Variants in CCNE2 observed in about 807,000 individuals in gnomAD.
CCNE2 encodes G1/S-specific cyclin-E2.
A neutral mutation model predicts 56.8 loss-of-function variants in CCNE2; 18 were observed. The observed-to-expected ratio is 0.32, with a 90% CI of 0.22 to 0.47. The LOEUF (loss-of-function observed/expected upper bound fraction) is 0.47. Ranked by LOEUF, CCNE2 falls within the 20% of genes least tolerant of loss-of-function variation. The probability of loss-of-function intolerance (pLI) is 1.00; values close to 1 mark genes in which losing one functional copy is unlikely to be tolerated. For missense variants in CCNE2, 371 were observed against 467.1 expected (o/e 0.79, Z 1.90); for synonymous variants, 139 against 149.2 (o/e 0.93, Z 0.50).
rs1457708437 is a variant in CCNE2 at position 94,887,933 on chromosome 8, T to C, written c.594A>G (p.Lys198=). The C allele has an allele frequency of 6.4e-7, 1 of 1,573,264 alleles. No homozygotes were observed. Among genetic ancestry groups the C allele is most frequent in the Non-Finnish European group, 8.6e-7 (1 of 1,165,830 alleles). Residue 198 remains lysine (K), a synonymous_variant, in exon 7 of 12, where the codon AAA becomes AAG. Transcript: ENST00000308108. The part of the protein sequence containing the change: ...IGITSLFIAS[K]LEEIYAPKLQ... ...TAAACTTTTAAGAACTTACCTCAAG[T>C]TTGGAAGCAATGAATAATGAGGTAA... is the stretch of plus-strand genomic sequence containing the variant.
chr8:94,880,253 CT>C lies in CCNE2; in HGVS notation c.*1378del, dbSNP rs774025691. 1.6e-4 allele frequency: 217 copies of C among 1,398,178 alleles called. 2 individuals carry two copies. The South Asian group carries it at 2.3e-3, about 15-fold the overall frequency. 86.6% of individuals were successfully genotyped at this position (1,398,178 alleles called of 1,614,324 possible). A position where few individuals can be genotyped will look rare whatever the true frequency, so the allele number is the denominator to read the frequency against. On this transcript the variant is annotated 3_prime_UTR_variant, in exon 12 of 12. Transcript: ENST00000308108. ...CTTTTAAGCAGTTAAATTTTTTTAA[CT>C]TTTATTTTTTAAACAATGGGCTAAA...
At chr8:94,887,536 A>G (rs1225507383) in intron 7 of CCNE2, among the ~76,000 whole-genome samples, 1 of 152,128 alleles carries the variant, frequency 6.6e-6, no homozygotes, top group African/African-American at 2.4e-5. Flanking sequence ...TGGATAAACC[A>G]TTATTCTAAC....
chr8:94,891,937 A>G, intron 5 of CCNE2: 1 of 1,171,970 alleles, frequency 8.5e-7, no homozygotes, highest in Admixed American at 1.7e-5. Context: ...GTGCCAACGG[A>G]CCTACAGAGC....
intron 1 of CCNE2, chr8:94,894,610 C>T (rs1222956439): frequency 4.6e-6 from 1 of 215,578 alleles, no homozygotes; most frequent in East Asian, 1.0e-4. Context: ...CCGCCTCCCT[C>T]CTGGACCAGC....
intron 1 of CCNE2, 54 bp from the exon 2 acceptor site, chr8:94,894,301 C>G (rs1375914778): frequency 1.3e-6 from 2 of 1,574,752 alleles, no homozygotes; most frequent in Non-Finnish European, 1.7e-6. Context: ...TCACATTCTC[C>G]AAGTGCCAGT....
chr8:94,882,711 T>TA (rs1816871471), intron 10 of CCNE2, 70 bp downstream of exon 10: 1 of 1,026,792 alleles, frequency 9.7e-7, no homozygotes. Context: ...AGCAGAATGT[T>TA]AAAGTTCAGA....
chr8:94,890,751 G>C (rs927247627), intron 5 of CCNE2, among the ~76,000 whole-genome samples: 2 of 151,814 alleles, frequency 1.3e-5, no homozygotes, highest in African/African-American at 4.8e-5. Context: ...CTGCCACCAA[G>C]CCTGGCTAGT....
At chr8:94,889,367 A>T (rs758158070) in intron 6 of CCNE2, among the ~76,000 whole-genome samples, 2 of 152,212 alleles carry the variant, frequency 1.3e-5, no homozygotes, top group African/African-American at 2.4e-5. Flanking sequence ...TATTTAGGTA[A>T]AAACAGGAAC....
chr8:94,890,592 T>TATATA (rs386413388), intron 5 of CCNE2, 42 bp from the exon 6 acceptor site: 31 of 64,050 alleles, frequency 4.8e-4, no homozygotes, highest in African/African-American at 4.5e-3. Context: ...TATATATATA[T>TATATA]TTTTTTTTTT....
In CCNE2 at chr8:94,893,777, TTAAAAG is replaced by T. The variant is rs1379502533; in HGVS notation, c.165+108_165+113del. 1.5e-5 allele frequency: 17 copies of T among 1,132,806 alleles called. No individual in the cohort carries two copies. In the Admixed American group the frequency reaches 1.8e-4, roughly 12 times the overall value. 70.2% of individuals were successfully genotyped at this position (1,132,806 alleles called of 1,614,324 possible). On this transcript the variant is annotated intron_variant, in intron 4 of 11. Coordinates refer to ENST00000308108, the MANE Select transcript of CCNE2 (RefSeq NM_057749.3). ...GCCTTCCTGCTGACCTCTAGGGGCA[TTAAAAG>T]TAAAAGTGTCAGAGGAATCTATCGC...
chr8:94,893,618 A>G, intron 4 of CCNE2: 1 of 468,964 alleles, frequency 2.1e-6, no homozygotes. Context: ...AGTATATTGG[A>G]CAGATTAGGC....
intron 10 of CCNE2, 75 bp from the exon 11 acceptor site, chr8:94,882,364 T>G: frequency 8.4e-7 from 1 of 1,190,332 alleles, no homozygotes; most frequent in Non-Finnish European, 1.1e-6. Flanking sequence ...TCTGATGTAC[T>G]TGTTGCTGTT....
intron 7 of CCNE2, among the ~76,000 whole-genome samples, chr8:94,886,448 T>C (rs770653813): frequency 6.6e-6 from 1 of 152,088 alleles, no homozygotes; most frequent in Non-Finnish European, 1.5e-5. Context: ...AGCTCACACC[T>C]ATAAGCCCAG....
intron 9 of CCNE2, chr8:94,883,876 CTGTT>C: frequency 2.2e-6 from 1 of 456,066 alleles, no homozygotes; most frequent in South Asian, 1.5e-5. Flanking sequence ...AACTTCAATT[CTGTT>C]TGTCCTCATT....
At chr8:94,887,459 C>T (rs561439783) in intron 7 of CCNE2, among the ~76,000 whole-genome samples, 73 of 152,020 alleles carry the variant, frequency 4.8e-4, no homozygotes, top group Non-Finnish European at 9.6e-4. Context: ...GAGCCAAGAT[C>T]GCGCCATTGC....
rs1563678706 is a variant in CCNE2, at chr8:94,882,301, G to GAA, written c.944-14_944-13dup. On this transcript the variant is annotated splice_polypyrimidine_tract_variant and intron_variant, in intron 10 of 11. Transcript: ENST00000308108. ...GTCCCACTCCAAACCTAGATAGATA[G>GAA]AAAAAAGTTAGAAAAGCATGAAGGT... The GAA allele has an allele frequency of 1.3e-6, 2 of 1,572,262 alleles. No individual in the cohort carries two copies. The highest frequency in any genetic ancestry group is 2.3e-5 in the East Asian group (1 of 44,046).
chr8:94,886,579 T>C (rs893931978), intron 7 of CCNE2, among the ~76,000 whole-genome samples: 1 of 151,436 alleles, frequency 6.6e-6, no homozygotes, highest in African/African-American at 2.4e-5. Flanking sequence ...TGGATCCCTG[T>C]AGTCTCAGCT....
At position 94,885,220 on chromosome 8, in the gene CCNE2, A is replaced by T. The variant is rs770344377; in HGVS notation, c.697-19T>A. 7 of 1,611,012 alleles carry T rather than the reference A, an allele frequency of 4.3e-6. No homozygotes were observed. Among genetic ancestry groups the T allele is most frequent in the Non-Finnish European group, 5.9e-6 (7 of 1,177,840 alleles). On this transcript the variant is annotated intron_variant, in intron 8 of 11. Coordinates refer to ENST00000308108, the MANE Select transcript of CCNE2 (RefSeq NM_057749.3). ...TTAAAGCCTATTAAACAAAATTTAA[A>T]AATGCCTGTTAATGAATGTAGACAC... is the stretch of plus-strand genomic sequence containing the variant.
chr8:94,888,871 G>A (rs1473575941), intron 6 of CCNE2, among the ~76,000 whole-genome samples: 3 of 152,256 alleles, frequency 2.0e-5, no homozygotes, highest in Admixed American at 1.3e-4. Flanking sequence ...TTTGCTGGCC[G>A]AGTGCGGTGG....
Sources: allele counts gnomAD v4.1 joint callset (sites outside exome capture counted in the v4.1 genomes callset), GRCh38; gene constraint gnomAD v4.1.1; transcripts MANE v1.5; gene names NCBI Gene and HGNC (gene_info 2026-07-23, HGNC 2026-07-21).